Variants in XPO7 observed in about 807,000 individuals in gnomAD.
XPO7 encodes the protein exportin-7.
Under a neutral mutation model 144.3 loss-of-function variants are expected in XPO7, and 21 were observed. The observed-to-expected ratio is 0.15, with a 90% confidence interval of 0.10 to 0.21. The LOEUF (loss-of-function observed/expected upper bound fraction) is 0.21. Ranked by LOEUF, XPO7 falls within the 10% of genes least tolerant of loss-of-function variation. The pLI is 1.00. For synonymous variants in XPO7, 580 were observed against 499.6 expected, an observed-to-expected ratio of 1.16 and a Z score of -2.15; for missense variants, 808 against 1,325.8, an observed-to-expected ratio of 0.61 and a Z score of 6.06.
intron 1 of XPO7, among the ~76,000 whole-genome samples, chr8:21,946,501 G>A (rs910182993): frequency 4.7e-5 from 7 of 150,346 alleles, no homozygotes; most frequent in South Asian, 4.2e-4. Context: ...AACTGCAAGT[G>A]GTTAAGAGAC....
At chr8:21,965,493 T>C (rs548736818) in intron 1 of XPO7, among the ~76,000 whole-genome samples, 1 of 152,188 alleles carries the variant, frequency 6.6e-6, no homozygotes, top group Non-Finnish European at 1.5e-5. Flanking sequence ...CCCCTGGAAG[T>C]CAGAAACAAG....
At chr8:21,987,039 T>G in intron 13 of XPO7, 102 bp from the exon 14 acceptor site, 1 of 1,527,720 alleles carries the variant, frequency 6.5e-7, no homozygotes, top group Non-Finnish European at 8.8e-7. Context: ...GAGGTTGCTG[T>G]ACCCAAGTAC....
chr8:21,945,888 A>C (rs1381193281), intron 1 of XPO7, among the ~76,000 whole-genome samples: 1 of 152,152 alleles, frequency 6.6e-6, no homozygotes, highest in South Asian at 2.1e-4. Context: ...TTCAGACTGG[A>C]GTGTTGGGAG....
chr8:21,945,224 C>T (rs189516868), intron 1 of XPO7, among the ~76,000 whole-genome samples: 147 of 152,296 alleles, frequency 9.7e-4, no homozygotes, highest in African/African-American at 3.5e-3. Flanking sequence ...GGGTGGCGGC[C>T]GGGCGGGGGC....
chr8:21,999,158 C>T lies in XPO7; in HGVS notation c.2496C>T (p.Ile832=). 6.2e-7 allele frequency: 1 copy of T among 1,613,970 alleles called. No homozygotes were observed. Among genetic ancestry groups the T allele is most frequent in the Non-Finnish European group, 8.5e-7 (1 of 1,179,886 alleles). Reference sequence around the variant, plus strand: ...TCTATGCTCTGAAGCTCAAGGGCATCTCCATCTGCTTCTCCATGCTGAAGG... The same window carrying T: ...TCTATGCTCTGAAGCTCAAGGGCATTTCCATCTGCTTCTCCATGCTGAAGG... ...DQVYALKLKG[I]SICFSMLKAA... Residue 832 remains isoleucine, a synonymous_variant, in exon 23 of 28, where the codon ATC becomes ATT. Coordinates refer to ENST00000252512, the MANE Select transcript of XPO7 (RefSeq NM_015024.5).
intron 19 of XPO7, among the ~76,000 whole-genome samples, chr8:21,993,827 A>G (rs1563336677): frequency 6.6e-6 from 1 of 151,898 alleles, no homozygotes; most frequent in Non-Finnish European, 1.5e-5. Flanking sequence ...CCTTTAGGGT[A>G]TATATGGCTC....
chr8:21,928,036 AC>A (rs1208499047), intron 1 of XPO7, among the ~76,000 whole-genome samples: 2 of 152,246 alleles, frequency 1.3e-5, no homozygotes, highest in African/African-American at 4.8e-5. Context: ...ATTGACAGAT[AC>A]ATACACCTGT....
At chr8:21,989,507 G>T (rs903105276) in intron 16 of XPO7, among the ~76,000 whole-genome samples, 1 of 152,176 alleles carries the variant, frequency 6.6e-6, no homozygotes, top group African/African-American at 2.4e-5. Flanking sequence ...CTTGAATTAG[G>T]TCTGCTATAA....
chr8:21,972,631 C>T (rs1464697609), intron 5 of XPO7, among the ~76,000 whole-genome samples: 1 of 152,148 alleles, frequency 6.6e-6, no homozygotes, highest in African/African-American at 2.4e-5. Context: ...GAGGAAACAC[C>T]AGTGGCTTTC....
chr8:21,979,689 G>C (rs1055618492), intron 8 of XPO7, among the ~76,000 whole-genome samples: 1 of 152,192 alleles, frequency 6.6e-6, no homozygotes, highest in South Asian at 2.1e-4. Flanking sequence ...TTACAGGCGT[G>C]AGCCACCACA....
chr8:21,944,052 G>T (rs891444994), intron 1 of XPO7, among the ~76,000 whole-genome samples: 2 of 152,112 alleles, frequency 1.3e-5, no homozygotes, highest in Non-Finnish European at 2.9e-5. Flanking sequence ...TGACTAAAAT[G>T]TAAAATTTAA....
Position 21,970,324 on chromosome 8 carries a change from A to T in XPO7, c.426+14A>T. On this transcript the variant is annotated intron_variant, in intron 4 of 27. Transcript: ENST00000252512. Reference sequence around the variant, plus strand: ...AGGTTTTTACAGGTACAGTGTATATATTTGATGTAATGGGAATGGGAGAAC... The same window carrying T: ...AGGTTTTTACAGGTACAGTGTATATTTTTGATGTAATGGGAATGGGAGAAC... The T allele has an allele frequency of 6.2e-7, 1 of 1,607,842 alleles. No homozygotes were observed.
chr8:21,976,754 A>G (rs924297401), intron 7 of XPO7, among the ~76,000 whole-genome samples: 1 of 152,230 alleles, frequency 6.6e-6, no homozygotes, highest in Admixed American at 6.5e-5. Flanking sequence ...CCTGGACTCA[A>G]GCAGTCTTCC....
At chr8:21,948,670 T>G (rs191502973) in intron 1 of XPO7, among the ~76,000 whole-genome samples, 112 of 152,338 alleles carry the variant, frequency 7.4e-4, no homozygotes, top group African/African-American at 2.5e-3. Context: ...CAACCTGATA[T>G]GAGGAATTGA....
intron 9 of XPO7, among the ~76,000 whole-genome samples, chr8:21,981,443 TC>T (rs1277054845): frequency 2.6e-5 from 4 of 152,212 alleles, no homozygotes; most frequent in African/African-American, 7.2e-5. Context: ...CTCAGTGTGA[TC>T]CTCCTGGGCT....
intron 1 of XPO7, among the ~76,000 whole-genome samples, chr8:21,940,172 A>G (rs1001565681): frequency 2.0e-5 from 3 of 152,224 alleles, no homozygotes; most frequent in African/African-American, 7.2e-5. Flanking sequence ...TTTAAAAGTA[A>G]TGGTAAAAAT....
At chr8:21,944,438 A>G (rs545836483) in intron 1 of XPO7, among the ~76,000 whole-genome samples, 80 of 152,188 alleles carry the variant, frequency 5.3e-4, no homozygotes, top group African/African-American at 1.8e-3. Context: ...GTGGTGGTGC[A>G]CATCTGTAAT....
intron 27 of XPO7, 72 bp from the exon 28 acceptor site, chr8:22,004,923 A>T: frequency 3.0e-6 from 2 of 665,296 alleles, no homozygotes; most frequent in Non-Finnish European, 2.3e-6. Context: ...ATGCTTTAAA[A>T]AAAAAAAAAA....
chr8:21,940,863 C>T (rs1810968035), intron 1 of XPO7, among the ~76,000 whole-genome samples: 1 of 152,130 alleles, frequency 6.6e-6, no homozygotes, highest in Non-Finnish European at 1.5e-5. Context: ...CAGTCTGATC[C>T]AATCTCTGGA....
Sources: allele counts gnomAD v4.1 joint callset (sites outside exome capture counted in the v4.1 genomes callset), GRCh38; gene constraint gnomAD v4.1.1; transcripts MANE v1.5; gene names NCBI Gene and HGNC (gene_info 2026-07-23, HGNC 2026-07-21).